The following RGS7 variants were observed in gnomAD, a reference collection of about 807,000 sequenced individuals.
The protein encoded by RGS7 is regulator of G-protein signaling 7.
Under a neutral mutation model 81.1 loss-of-function variants are expected in RGS7, and 27 were observed. The observed-to-expected ratio is 0.33, with a 90% CI of 0.25 to 0.46. The LOEUF is 0.46. RGS7 is among the 20% of genes least tolerant of loss of function. The pLI, the probability that RGS7 is intolerant of heterozygous loss-of-function variation, is 1.00. For synonymous variants in RGS7, 208 were observed against 207.7 expected, an observed-to-expected ratio of 1.00 and a Z score of -0.01; for missense variants, 396 against 607.4, an observed-to-expected ratio of 0.65 and a Z score of 3.66.
intron 6 of RGS7, chr1:240,920,367 A>G: frequency 1.9e-6 from 3 of 1,538,462 alleles, no homozygotes; most frequent in Non-Finnish European, 2.7e-6. Context: ...ATATGGTGGC[A>G]GTGGGGATGG....
intron 2 of RGS7, among the ~76,000 whole-genome samples, chr1:241,133,409 A>C (rs994684959): frequency 2.0e-5 from 3 of 152,032 alleles, no homozygotes; most frequent in Admixed American, 6.5e-5. Flanking sequence ...GCATACCTTA[A>C]ATTTATTAAT....
At chr1:240,857,942 G>A (rs969357529) in intron 9 of RGS7, among the ~76,000 whole-genome samples, 3 of 152,040 alleles carry the variant, frequency 2.0e-5, no homozygotes, top group African/African-American at 7.2e-5. Context: ...GCCCTTCTCC[G>A]TGCTACCACC....
At chr1:241,146,788 G>A (rs1415318162) in intron 2 of RGS7, among the ~76,000 whole-genome samples, 1 of 152,122 alleles carries the variant, frequency 6.6e-6, no homozygotes, top group East Asian at 1.9e-4. Flanking sequence ...CAGTTCTGGA[G>A]GCTGGGAAGT....
chr1:240,872,745 A>T (rs1457508776), intron 6 of RGS7, among the ~76,000 whole-genome samples: 1 of 152,198 alleles, frequency 6.6e-6, no homozygotes, highest in Non-Finnish European at 1.5e-5. Flanking sequence ...TTCCCAATTC[A>T]TTGAAGACTG....
chr1:241,261,645 A>G (rs918099277), intron 2 of RGS7, among the ~76,000 whole-genome samples: 1 of 151,720 alleles, frequency 6.6e-6, no homozygotes, highest in African/African-American at 2.4e-5. Context: ...AAAAAAAAAA[A>G]AAAATGAGGG....
chr1:241,315,817 T>C (rs1253557898), intron 2 of RGS7, among the ~76,000 whole-genome samples: 1 of 152,236 alleles, frequency 6.6e-6, no homozygotes, highest in Non-Finnish European at 1.5e-5. Context: ...CCATTGAGTG[T>C]GATGTCAGCT....
chr1:241,343,240 C>T (rs529304293), intron 2 of RGS7, among the ~76,000 whole-genome samples: 34 of 141,776 alleles, frequency 2.4e-4, no homozygotes, highest in East Asian at 1.7e-3. Context: ...CCAGCCTGGG[C>T]GACAGAGCGA....
intron 3 of RGS7, among the ~76,000 whole-genome samples, chr1:241,051,245 A>G (rs2061234245): frequency 6.6e-6 from 1 of 152,166 alleles, no homozygotes; most frequent in Admixed American, 6.5e-5. Flanking sequence ...CTGAAACCTT[A>G]ATTCTGCCTT....
At chr1:240,790,455 C>T (rs1685803554) in intron 18 of RGS7, among the ~76,000 whole-genome samples, 1 of 152,020 alleles carries the variant, frequency 6.6e-6, no homozygotes, top group African/African-American at 2.4e-5. Flanking sequence ...GCCACTGTGC[C>T]CAGCCAATGT....
chr1:241,125,509 C>G (rs998750824), intron 2 of RGS7, among the ~76,000 whole-genome samples: 5 of 152,168 alleles, frequency 3.3e-5, no homozygotes, highest in African/African-American at 1.2e-4. Context: ...CTCCTCTGCT[C>G]TCCCACAGAA....
At position 240,812,024 on chromosome 1, in the gene RGS7, T is replaced by A; in HGVS notation, c.976A>T (p.Arg326Trp). 1 of 1,614,162 alleles carries A rather than the reference T, an allele frequency of 6.2e-7. No homozygotes were observed. The highest frequency in any genetic ancestry group is 8.5e-7 in the Non-Finnish European group (1 of 1,180,016). The change falls in exon 14 of 19, where the codon AGG (arginine) becomes TGG (tryptophan). Residue 326 changes from arginine (R) to tryptophan (W), a missense_variant. Arg to Trp is a moderately radical substitution (Grantham distance 101). Coordinates refer to ENST00000440928, the MANE Select transcript of RGS7 (RefSeq NM_001364886.1). Reference protein sequence around the residue: ...LEASKEPSQQRVKRWGFGMDE... With the variant: ...LEASKEPSQQWVKRWGFGMDE... ...ATGCCAAAACCCCATCGTTTTACCC[T>A]CTGCTGGCTCGGTTCTTTGCTATAG...
chr1:241,139,243 T>C (rs913056855), intron 2 of RGS7, among the ~76,000 whole-genome samples: 3 of 150,960 alleles, frequency 2.0e-5, no homozygotes, highest in Non-Finnish European at 3.0e-5. Flanking sequence ...TCCCTTCTCT[T>C]TCCTTCTTTT....
chr1:241,152,779 C>T (rs2103140077), intron 2 of RGS7, among the ~76,000 whole-genome samples: 1 of 152,316 alleles, frequency 6.6e-6, no homozygotes, highest in South Asian at 2.1e-4. Context: ...CCATGGTGGC[C>T]AGCAACGTTC....
Position 241,049,014 on chromosome 1 carries a change from T to C in RGS7, c.175+49652A>G, listed in dbSNP as rs137933294. Reference sequence around the variant, plus strand: ...ATTGTCACACAGTGTTCTCCCCTCTTCTGTCTGTGTCTTCATCTCCTGTTT... The same window carrying C: ...ATTGTCACACAGTGTTCTCCCCTCTCCTGTCTGTGTCTTCATCTCCTGTTT... On this transcript the variant is annotated intron_variant, in intron 3 of 18. Coordinates refer to ENST00000440928, the MANE Select transcript of RGS7 (RefSeq NM_001364886.1). Among the ~76,000 whole-genome samples the C allele has an allele frequency of 2.6e-3, 392 of 152,320 alleles. 4 individuals are homozygous for C. The highest frequency in any genetic ancestry group is 9.0e-3 in the African/African-American group (373 of 41,576).
intron 9 of RGS7, among the ~76,000 whole-genome samples, chr1:240,828,315 G>A (rs1693229467): frequency 6.6e-6 from 1 of 152,186 alleles, no homozygotes; most frequent in Non-Finnish European, 1.5e-5. Context: ...AGGAAGAAGA[G>A]GGGAAGGGAG....
chr1:241,259,667 A>AAAATATATATATATATATAT, intron 2 of RGS7, among the ~76,000 whole-genome samples: 29 of 49,132 alleles, frequency 5.9e-4, no homozygotes, highest in Non-Finnish European at 9.8e-4. Flanking sequence ...AAAAAAAAAA[A>AAAATATATATATATATATAT]ATATATATAT....
chr1:240,857,125 CT>C (rs1181418944), intron 9 of RGS7, among the ~76,000 whole-genome samples: 7 of 152,096 alleles, frequency 4.6e-5, no homozygotes, highest in Admixed American at 1.3e-4. Context: ...CTGTTTTGTT[CT>C]TGTGGTCGGA....
chr1:240,890,995 G>T (rs1457197035), intron 6 of RGS7, among the ~76,000 whole-genome samples: 2 of 152,142 alleles, frequency 1.3e-5, no homozygotes, highest in Non-Finnish European at 2.9e-5. Context: ...TCTTGAGAGT[G>T]CAAGGAAAGG....
At chr1:241,157,610 A>G (rs1320085053) in intron 2 of RGS7, among the ~76,000 whole-genome samples, 1 of 152,190 alleles carries the variant, frequency 6.6e-6, no homozygotes, top group African/African-American at 2.4e-5. Context: ...TGCAGAGACC[A>G]TCATATCTGC....
Sources: gnomAD v4.1 joint callset for allele counts (sites outside exome capture counted in the v4.1 genomes callset) on GRCh38, gnomAD v4.1.1 for gene constraint, MANE v1.5 for transcripts, NCBI Gene and HGNC (gene_info 2026-07-23, HGNC 2026-07-21) for gene names.